KIF20B: variants seen among roughly 807,000 people sequenced by gnomAD.
The protein encoded by KIF20B is kinesin-like protein KIF20B.
Under a neutral mutation model 232.5 loss-of-function variants are expected in KIF20B, and 188 were observed. The ratio of observed to expected loss-of-function variants is 0.81; its 90% CI spans 0.72 to 0.91. KIF20B has a LOEUF of 0.91. Among genes scored for constraint, KIF20B ranks in the 40% least tolerant of loss-of-function variants. The pLI, the probability that KIF20B is intolerant of heterozygous loss-of-function variation, is 0.00. For synonymous variants in KIF20B, 712 were observed against 683.0 expected (o/e 1.04, Z -0.66); for missense variants, 2,154 against 2,055.9 (o/e 1.05, Z -0.92).
chr10:89,720,941 C>A (rs910240375), intron 13 of KIF20B, among the ~76,000 whole-genome samples: 1 of 152,142 alleles, frequency 6.6e-6, no homozygotes, highest in African/African-American at 2.4e-5. Context: ...AACTCCTGAC[C>A]TTGCGATTGC....
intron 13 of KIF20B, among the ~76,000 whole-genome samples, chr10:89,722,802 G>A (rs10430622): frequency 0.31 from 47,408 of 151,900 alleles, 8,375 homozygotes; most frequent in African/African-American, 0.47. Context: ...ATAGTATTAT[G>A]TATTTATAGT....
chr10:89,773,238 T>G (rs957410493), intron 32 of KIF20B, among the ~76,000 whole-genome samples: 1 of 151,976 alleles, frequency 6.6e-6, no homozygotes, highest in Non-Finnish European at 1.5e-5. Flanking sequence ...TGAGGATCTA[T>G]TAGGAAGAGA....
In KIF20B at chr10:89,737,682, A is replaced by G. The variant is rs1192504956; in HGVS notation, c.2841A>G (p.Leu947=). The change falls in exon 20 of 33, where the codon TTA becomes TTG. Residue 947 remains leucine, a synonymous_variant. Coordinates refer to ENST00000371728, the MANE Select transcript of KIF20B (RefSeq NM_001284259.2). ...QSNYDIAIAE[L]HVQKSKNQEQ... Reference sequence around the variant, plus strand: ...ATTATGATATTGCAATTGCTGAATTACATGTGCAGAAAAGTAAAAATCAAG... The same window carrying G: ...ATTATGATATTGCAATTGCTGAATTGCATGTGCAGAAAAGTAAAAATCAAG... 1 of 1,612,966 alleles carries G rather than the reference A, an allele frequency of 6.2e-7. No homozygotes were observed. The highest frequency in any genetic ancestry group is 1.1e-5 in the South Asian group (1 of 90,966).
intron 22 of KIF20B, among the ~76,000 whole-genome samples, chr10:89,745,532 C>CAAAT (rs530759062): frequency 2.6e-3 from 392 of 151,992 alleles, no homozygotes; most frequent in African/African-American, 8.4e-3. Context: ...CAAAAACAAA[C>CAAAT]AAATAAATAA....
rs764245271 is a variant in KIF20B at position 89,714,974 on chromosome 10, G to C, written c.732G>C (p.Leu244Phe). 4.5e-6 allele frequency: 7 copies of C among 1,563,450 alleles called. No homozygotes were observed. The highest frequency in any genetic ancestry group is 6.1e-6 in the Non-Finnish European group (7 of 1,153,316). ...DTLYGSLTNS[L>F]NISEFEESIK... The stretch of plus-strand genomic sequence containing the variant: ...TTGTAGGAAGTTTAACTAACTCTTT[G>C]AATATCTCAGAGTTTGAAGAATCCA... Residue 244 changes from leucine (L) to phenylalanine (F), a missense_variant, in exon 8 of 33, where the codon TTG becomes TTC. Coordinates refer to ENST00000371728, the MANE Select transcript of KIF20B (RefSeq NM_001284259.2).
intron 26 of KIF20B, among the ~76,000 whole-genome samples, chr10:89,757,040 G>GTATATATATATATATATATATATA (rs34325599): frequency 2.4e-4 from 27 of 110,732 alleles, no homozygotes; most frequent in Middle Eastern, 4.8e-3. Flanking sequence ...GTGTGTGTGT[G>GTATATATATATATATATATATATA]TATATATATA....
intron 19 of KIF20B, among the ~76,000 whole-genome samples, chr10:89,735,414 CAT>C (rs1169705864): frequency 1.3e-5 from 2 of 150,826 alleles, no homozygotes; most frequent in Non-Finnish European, 2.9e-5. Flanking sequence ...GAGAGACAAA[CAT>C]ATTTCAATAA....
At chr10:89,718,263 C>G (rs1842976525) in intron 11 of KIF20B, among the ~76,000 whole-genome samples, 1 of 152,086 alleles carries the variant, frequency 6.6e-6, no homozygotes, top group Non-Finnish European at 1.5e-5. Flanking sequence ...GTGGCTTATG[C>G]CTGTAATCCC....
In KIF20B at chr10:89,719,435, C is replaced by G. The variant is rs147397224; in HGVS notation, c.1451C>G (p.Thr484Ser). 71 of 1,585,928 alleles carry G rather than the reference C, an allele frequency of 4.5e-5. No individual in the cohort carries two copies. The highest frequency in any genetic ancestry group is 5.7e-5 in the Non-Finnish European group (67 of 1,169,164). The change falls in exon 13 of 33, where the codon ACT becomes AGT. Residue 484 changes from threonine to serine, a missense_variant. Thr to Ser is a moderately conservative substitution (Grantham distance 58). Coordinates refer to ENST00000371728, the MANE Select transcript of KIF20B (RefSeq NM_001284259.2). ...AIAQKVCVPD[T>S]LNSSQEKLFG... ...TTTTAACAGGTTTGTGTCCCAGACA[C>G]TTTAAATTCCTCTCAAGAGAAATTA...
chr10:89,772,611 C>G (rs1311104061), intron 31 of KIF20B, 78 bp from the exon 32 acceptor site: 3 of 863,998 alleles, frequency 3.5e-6, no homozygotes, highest in Non-Finnish European at 5.2e-6. Flanking sequence ...GATTTCAAAC[C>G]ATCTTTATTA....
chr10:89,751,262 A>G, intron 23 of KIF20B, 84 bp from the exon 24 acceptor site: 8 of 1,114,302 alleles, frequency 7.2e-6, no homozygotes, highest in Non-Finnish European at 1.0e-5. Context: ...GTTAATAAAA[A>G]TGTATTTTAA....
chr10:89,764,268 T>C (rs1363632160), intron 29 of KIF20B, among the ~76,000 whole-genome samples: 9 of 152,108 alleles, frequency 5.9e-5, no homozygotes, highest in Non-Finnish European at 1.0e-4. Flanking sequence ...GGTGTATATG[T>C]GCCACATTTT....
intron 6 of KIF20B, among the ~76,000 whole-genome samples, chr10:89,711,505 C>A (rs1049465057): frequency 6.6e-6 from 1 of 151,916 alleles, no homozygotes. Context: ...TAAAAGTTTC[C>A]TTTAATTTCA....
At position 89,743,924 on chromosome 10, in the gene KIF20B, C is replaced by A; in HGVS notation, c.4032C>A (p.Leu1344=). 6.3e-7 allele frequency: 1 copy of A among 1,581,174 alleles called. No individual in the cohort carries two copies. The highest frequency in any genetic ancestry group is 1.2e-5 in the South Asian group (1 of 82,964). ...LDMKQRTIQQ[L]KEQLNNQKVE... ...TGAAACAGCGAACCATTCAGCAACTCAAGGTAAACAGTTTTGTTTTTAAAG... is the reference window on the plus strand; with the variant it reads ...TGAAACAGCGAACCATTCAGCAACTAAAGGTAAACAGTTTTGTTTTTAAAG... The change falls in exon 22 of 33, where the codon CTC becomes CTA. Residue 1344 remains leucine, a synonymous_variant. Coordinates refer to ENST00000371728, the MANE Select transcript of KIF20B (RefSeq NM_001284259.2).
At chr10:89,710,499 G>C (rs967668955) in intron 5 of KIF20B, among the ~76,000 whole-genome samples, 1 of 152,108 alleles carries the variant, frequency 6.6e-6, no homozygotes, top group Non-Finnish European at 1.5e-5. Context: ...AAAGTGCTTG[G>C]ATTACAGGCA....
At chr10:89,712,769 C>T (rs1215396540) in intron 6 of KIF20B, among the ~76,000 whole-genome samples, 1 of 152,150 alleles carries the variant, frequency 6.6e-6, no homozygotes, top group Non-Finnish European at 1.5e-5. Flanking sequence ...GTTTATTCCT[C>T]TTGTGCCTTC....
intron 29 of KIF20B, among the ~76,000 whole-genome samples, chr10:89,765,961 A>C (rs564039623): frequency 6.6e-6 from 1 of 152,102 alleles, no homozygotes; most frequent in South Asian, 2.1e-4. Context: ...GACTTTGCTG[A>C]ATCTGACAAT....
At position 89,753,007 on chromosome 10, in the gene KIF20B, C is replaced by T. The variant is rs142961867; in HGVS notation, c.4347+316C>T. ...TTTTCTACTCCTTAAACTTCTTACT[C>T]ATCAAATACTGCTGTGGAGAAAATG... On this transcript the variant is annotated intron_variant, in intron 25 of 32. Coordinates refer to ENST00000371728, the MANE Select transcript of KIF20B (RefSeq NM_001284259.2). Among the ~76,000 whole-genome samples the T allele has an allele frequency of 6.6e-4, 100 of 152,278 alleles. 2 individuals carry two copies. The East Asian group carries it at 0.018, about 27-fold the overall frequency.
chr10:89,768,692 T>G (rs1842410735), intron 30 of KIF20B, 46 bp from the exon 31 acceptor site: 1 of 1,521,244 alleles, frequency 6.6e-7, no homozygotes, highest in African/African-American at 1.4e-5. Context: ...ACTATTTCCT[T>G]CTAACACTTC....
Sources: allele counts gnomAD v4.1 joint callset (sites outside exome capture counted in the v4.1 genomes callset), GRCh38; gene constraint gnomAD v4.1.1; transcripts MANE v1.5; gene names NCBI Gene and HGNC (gene_info 2026-07-23, HGNC 2026-07-21).